EYS: variants seen among roughly 807,000 people sequenced by gnomAD.
The protein encoded by EYS is protein eyes shut homolog.
A neutral mutation model predicts 282.1 loss-of-function variants in EYS; 250 were observed. The ratio of observed to expected loss-of-function variants is 0.89; its 90% CI spans 0.80 to 0.98. The LOEUF is 0.98. EYS is among the 50% of genes least tolerant of loss of function. The pLI, the probability that EYS is intolerant of heterozygous loss-of-function variation, is 0.00. For missense variants in EYS, 4,016 were observed against 3,709.0 expected, an observed-to-expected ratio of 1.08 and a Z score of -2.15; for synonymous variants, 1,355 against 1,282.9, an observed-to-expected ratio of 1.06 and a Z score of -1.20.
chr6:63,875,368 G>T (rs1046561091), intron 35 of EYS, among the ~76,000 whole-genome samples: 1 of 152,164 alleles, frequency 6.6e-6, no homozygotes, highest in African/African-American at 2.4e-5. Context: ...GCTGGATTTG[G>T]TATGCCAGTA....
chr6:65,239,694 A>T (rs1177491309), intron 12 of EYS, among the ~76,000 whole-genome samples: 3 of 152,130 alleles, frequency 2.0e-5, no homozygotes, highest in African/African-American at 7.2e-5. Context: ...GATATTAAAG[A>T]AAATGGTTTT....
intron 8 of EYS, among the ~76,000 whole-genome samples, chr6:65,378,782 G>A (rs1031777507): frequency 1.5e-4 from 23 of 151,602 alleles, no homozygotes; most frequent in African/African-American, 4.9e-4. Flanking sequence ...ACTAACACAG[G>A]AACATAATAC....
intron 36 of EYS, among the ~76,000 whole-genome samples, chr6:63,862,122 C>A (rs1182677124): frequency 6.6e-6 from 1 of 152,176 alleles, no homozygotes; most frequent in Non-Finnish European, 1.5e-5. Flanking sequence ...ATATCTCCTC[C>A]TCTGAGAGTG....
intron 26 of EYS, among the ~76,000 whole-genome samples, chr6:64,498,585 C>T (rs1183228054): frequency 6.6e-6 from 1 of 152,044 alleles, no homozygotes; most frequent in Non-Finnish European, 1.5e-5. Flanking sequence ...TTAGGCCCCA[C>T]ATGCGTTAGG....
intron 11 of EYS, among the ~76,000 whole-genome samples, chr6:65,316,193 G>A (rs1404779883): frequency 6.6e-6 from 1 of 152,040 alleles, no homozygotes; most frequent in Non-Finnish European, 1.5e-5. Context: ...TCTGTGGCTT[G>A]TTTTTATAGT....
chr6:63,772,588 C>T (rs1446804779), intron 40 of EYS, among the ~76,000 whole-genome samples: 1 of 152,064 alleles, frequency 6.6e-6, no homozygotes, highest in Non-Finnish European at 1.5e-5. Context: ...AGGCTATAAT[C>T]TACTGTATAG....
intron 35 of EYS, among the ~76,000 whole-genome samples, chr6:63,880,220 G>C (rs6454476): frequency 0.37 from 55,423 of 151,768 alleles, 10,555 homozygotes; most frequent in South Asian, 0.47. Context: ...CCCTTAATCT[G>C]GTGGGCACCA....
In EYS at chr6:63,882,762, C is replaced by T. The variant is rs1002472367; in HGVS notation, c.7056-18404G>A. The stretch of plus-strand genomic sequence containing the variant: ...GTTTTCAGTGGAATTAATAATTAAT[C>T]CGAAACATAAAAAATGCAAAATTGG... On this transcript the variant is annotated intron_variant, in intron 35 of 42. Transcript: ENST00000503581. Among the ~76,000 whole-genome samples, 3 of 152,056 alleles carry T rather than the reference C, an allele frequency of 2.0e-5. No individual in the cohort carries two copies. In the South Asian group the frequency reaches 6.2e-4, roughly 32 times the overall value.
chr6:64,903,320 C>T (rs570854216), intron 16 of EYS, among the ~76,000 whole-genome samples: 7 of 152,156 alleles, frequency 4.6e-5, no homozygotes, highest in South Asian at 2.1e-4. Context: ...ATAAGTGCAG[C>T]CACATTACAC....
chr6:65,421,486 C>T (rs1447875616), intron 5 of EYS, among the ~76,000 whole-genome samples: 1 of 151,786 alleles, frequency 6.6e-6, no homozygotes, highest in Admixed American at 6.6e-5. Context: ...TTCATATCAA[C>T]AATAAGGCTC....
chr6:64,828,349 A>G lies in EYS; in HGVS notation c.2993-5527T>C, dbSNP rs185881429. Among the ~76,000 whole-genome samples, 160 of 152,108 alleles carry G rather than the reference A, an allele frequency of 1.1e-3. 1 individual carries two copies. Among genetic ancestry groups the G allele is most frequent in the Non-Finnish European group, 1.6e-4 (11 of 67,954 alleles). ...TATGATAGGAGAAATATGTAAAGAG[A>G]TAACGGACATGGATTTGACTAAATT... is the stretch of plus-strand genomic sequence containing the variant. On this transcript the variant is annotated intron_variant, in intron 19 of 42. Coordinates refer to ENST00000503581, the MANE Select transcript of EYS (RefSeq NM_001142800.2).
At position 65,227,158 on chromosome 6, in the gene EYS, C is replaced by CAAAA. The variant is rs76953241; in HGVS notation, c.2023+68701_2023+68704dup. ...TGAGGGGAAAAACAACAACAACAACCAAAAAAAAAAAAAAACAAGAAGTAC... is the reference window on the plus strand; with the variant it reads ...TGAGGGGAAAAACAACAACAACAACCAAAAAAAAAAAAAAAAAAACAAGAAGTAC... On this transcript the variant is annotated intron_variant, in intron 12 of 42. Transcript: ENST00000503581. 1.9e-3 allele frequency among the ~76,000 whole-genome samples: 179 copies of CAAAA among 92,218 alleles called. 1 individual carries two copies. The highest frequency in any genetic ancestry group is 6.5e-3 in the Middle Eastern group (1 of 154). 60.5% of individuals were successfully genotyped at this position (92,218 alleles called of 152,430 possible). A position where few individuals can be genotyped will look rare whatever the true frequency, so the allele number is the denominator to read the frequency against.
intron 35 of EYS, among the ~76,000 whole-genome samples, chr6:63,917,884 C>T (rs1451953943): frequency 6.6e-6 from 1 of 152,160 alleles, no homozygotes; most frequent in Non-Finnish European, 1.5e-5. Context: ...ATTGCCGGCT[C>T]CAAAGCCCTT....
intron 5 of EYS, among the ~76,000 whole-genome samples, chr6:65,455,985 A>AAGAG (rs34787504): frequency 6.7e-6 from 1 of 149,786 alleles, no homozygotes; most frequent in Admixed American, 6.8e-5. Flanking sequence ...GAAAGAAAGA[A>AAGAG]AGAGAGAGAG....
intron 35 of EYS, among the ~76,000 whole-genome samples, chr6:63,937,114 A>T (rs551399278): frequency 6.6e-6 from 1 of 152,242 alleles, no homozygotes; most frequent in East Asian, 1.9e-4. Flanking sequence ...TTTAGCAAAC[A>T]TTTTTGAGAA....
At chr6:64,579,024 T>G (rs16895508) in intron 26 of EYS, among the ~76,000 whole-genome samples, 19,767 of 152,134 alleles carry the variant, frequency 0.13, 1,360 homozygotes, top group East Asian at 0.27. Context: ...ACAAGTGACT[T>G]ACATTAGTAA....
At chr6:64,567,730 G>T (rs1194034767) in intron 26 of EYS, among the ~76,000 whole-genome samples, 1 of 152,066 alleles carries the variant, frequency 6.6e-6, no homozygotes, top group Non-Finnish European at 1.5e-5. Context: ...ATAACATATG[G>T]TAAGAATTTT....
chr6:64,475,213 T>C (rs1760369385), intron 26 of EYS, among the ~76,000 whole-genome samples: 1 of 152,172 alleles, frequency 6.6e-6, no homozygotes, highest in Non-Finnish European at 1.5e-5. Flanking sequence ...CCTCATATTA[T>C]ACTCCACAAA....
intron 2 of EYS, among the ~76,000 whole-genome samples, chr6:65,507,877 T>C (rs923246585): frequency 2.0e-5 from 3 of 152,186 alleles, no homozygotes; most frequent in African/African-American, 7.2e-5. Context: ...ATATTATTCA[T>C]AGGTATTTTA....
Sources: allele counts gnomAD v4.1 joint callset (sites outside exome capture counted in the v4.1 genomes callset), GRCh38; gene constraint gnomAD v4.1.1; transcripts MANE v1.5; gene names NCBI Gene and HGNC (gene_info 2026-07-23, HGNC 2026-07-21).